The following NPHP1 variants were observed in gnomAD, a reference collection of about 807,000 sequenced individuals.
The protein encoded by NPHP1 is nephrocystin-1.
NPHP1 carries 70 observed loss-of-function variants against 90.4 expected under a neutral mutation model. That is an observed-to-expected ratio of 0.77 (90% CI 0.64 to 0.95). The LOEUF is 0.95. NPHP1 is among the 40% of genes least tolerant of loss of function. The probability of loss-of-function intolerance (pLI) is 0.00; values close to 1 mark genes in which losing one functional copy is unlikely to be tolerated. For synonymous variants in NPHP1, 256 were observed against 271.7 expected (o/e 0.94, Z 0.57); for missense variants, 764 against 795.9 (o/e 0.96, Z 0.48).
At chr2:110,183,144 C>A (rs997685458) in intron 2 of NPHP1, among the ~76,000 whole-genome samples, 1 of 152,158 alleles carries the variant, frequency 6.6e-6, no homozygotes, top group Non-Finnish European at 1.5e-5. Context: ...TGGGAAGAGA[C>A]CCCGAAATCT....
At chr2:110,162,704 T>C (rs1206912437) in intron 9 of NPHP1, among the ~76,000 whole-genome samples, 2 of 151,940 alleles carry the variant, frequency 1.3e-5, no homozygotes, top group African/African-American at 4.8e-5. Context: ...GCTGATCCTT[T>C]AAGGTGGGGA....
intron 17 of NPHP1, among the ~76,000 whole-genome samples, chr2:110,130,631 C>G (rs1281117034): frequency 6.6e-6 from 1 of 152,144 alleles, no homozygotes; most frequent in African/African-American, 2.4e-5. Flanking sequence ...TCCACAAGTG[C>G]TAAGCCTCTC....
chr2:110,156,966 G>A (rs1368037606), intron 11 of NPHP1, among the ~76,000 whole-genome samples: 13 of 151,930 alleles, frequency 8.6e-5, no homozygotes, highest in East Asian at 1.9e-4. Flanking sequence ...TAGTAGAGAC[G>A]CGGTTTCATC....
At chr2:110,165,317 T>C (rs1420016192) in intron 6 of NPHP1, among the ~76,000 whole-genome samples, 162 bp from the exon 7 acceptor site, 18 of 152,088 alleles carry the variant, frequency 1.2e-4, no homozygotes, top group Admixed American at 1.0e-3. Flanking sequence ...ATCTTGAGCA[T>C]AGATGGGAAT....
Position 110,169,928 on chromosome 2 carries a change from C to A in NPHP1, c.400G>T (p.Glu134Ter), listed in dbSNP as rs1227573929. 6.2e-7 allele frequency: 1 copy of A among 1,606,232 alleles called. No individual in the cohort carries two copies. The highest frequency in any genetic ancestry group is 1.1e-5 in the South Asian group (1 of 90,902). The change falls in exon 5 of 20, where the codon GAA (glutamate) becomes TAA (stop). Residue 134 changes from glutamate (E) to a stop codon, truncating the protein, a stop_gained. Transcript: ENST00000445609. LOFTEE classifies it high-confidence loss of function. ...TCTTCCTCTTCCTCCTCTGCATCTT[C>A]TTCCTCCCCACCACTGTCTTCACTA... ...EDSEDSGGEEEDAEEEEEEKE... is the reference protein window; with the variant it reads ...EDSEDSGGEE
intron 4 of NPHP1, among the ~76,000 whole-genome samples, chr2:110,172,671 A>G (rs1227018458): frequency 6.6e-6 from 1 of 152,030 alleles, no homozygotes; most frequent in Non-Finnish European, 1.5e-5. Flanking sequence ...AGTCTCAGCT[A>G]CTCAGGGAGG....
At chr2:110,184,768 A>T (rs1421741018) in intron 2 of NPHP1, 1 of 710,456 alleles carries the variant, frequency 1.4e-6, no homozygotes, top group East Asian at 3.0e-5. Flanking sequence ...CCCAGAAGGA[A>T]GAGACACTAG....
chr2:110,145,712 T>TA (rs1205815049), intron 14 of NPHP1, among the ~76,000 whole-genome samples: 2 of 152,152 alleles, frequency 1.3e-5, no homozygotes, highest in African/African-American at 4.8e-5. Flanking sequence ...CTACCTCATT[T>TA]AAAAAAATAG....
chr2:110,129,277 A>T lies in NPHP1; in HGVS notation c.1643-18T>A. ...AATTAAATCTGAAATGCAAAACAAC[A>T]GAAAGAATTTTATGCAAACTTCACT... On this transcript the variant is annotated intron_variant, in intron 17 of 19. Transcript: ENST00000445609. 6.3e-7 allele frequency: 1 copy of T among 1,598,708 alleles called. No homozygotes were observed. Among genetic ancestry groups the T allele is most frequent in the South Asian group, 1.1e-5 (1 of 90,438 alleles).
At chr2:110,179,910 G>A (rs1005294242) in intron 2 of NPHP1, among the ~76,000 whole-genome samples, 1 of 152,092 alleles carries the variant, frequency 6.6e-6, no homozygotes, top group Non-Finnish European at 1.5e-5. Flanking sequence ...AACCTTCAGT[G>A]TCTCTGGGCA....
intron 9 of NPHP1, among the ~76,000 whole-genome samples, chr2:110,162,291 T>C: frequency 6.6e-6 from 1 of 152,012 alleles, no homozygotes; most frequent in Non-Finnish European, 1.5e-5. Context: ...AAAATAATTA[T>C]TAGGGGACAT....
rs1201887755 is a variant in NPHP1 at position 110,194,644 on chromosome 2, C to A, written c.143+6777G>T. 3.3e-5 allele frequency among the ~76,000 whole-genome samples: 5 copies of A among 152,274 alleles called. No homozygotes were observed. In the South Asian group the frequency reaches 8.3e-4, roughly 25 times the overall value. On this transcript the variant is annotated intron_variant, in intron 2 of 19. Transcript: ENST00000445609. Reference sequence around the variant, plus strand: ...TCAATAGAAAAAGAGGGAATCCTCCCTAACTCATTTTATGATGCCAGCATC... The same window carrying A: ...TCAATAGAAAAAGAGGGAATCCTCCATAACTCATTTTATGATGCCAGCATC...
chr2:110,202,306 C>T, intron 1 of NPHP1: 1 of 313,542 alleles, frequency 3.2e-6, no homozygotes, highest in African/African-American at 2.1e-5. Flanking sequence ...AGAGAAAATT[C>T]CATTAGTTTC....
intron 2 of NPHP1, among the ~76,000 whole-genome samples, chr2:110,191,000 T>C (rs1270587239): frequency 6.6e-6 from 1 of 152,100 alleles, no homozygotes; most frequent in African/African-American, 2.4e-5. Flanking sequence ...AAACAGATGT[T>C]GGCAAAATTG....
At chr2:110,202,387 A>G in intron 1 of NPHP1, 1 of 449,446 alleles carries the variant, frequency 2.2e-6, no homozygotes, top group Non-Finnish European at 4.5e-6. Context: ...TGATAGAGCC[A>G]GTCATCACAG....
At chr2:110,196,825 TA>T in intron 2 of NPHP1, among the ~76,000 whole-genome samples, 1 of 152,068 alleles carries the variant, frequency 6.6e-6, no homozygotes, top group East Asian at 1.9e-4. Flanking sequence ...TATGCAGCCA[TA>T]AAAAATGATG....
intron 4 of NPHP1, chr2:110,178,197 CA>C (rs1683639900): frequency 3.7e-6 from 2 of 534,376 alleles, no homozygotes; most frequent in Non-Finnish European, 6.6e-6. Context: ...TGTTTTGTTT[CA>C]ACTAAATTAT....
chr2:110,166,373 A>C (rs903961093), intron 6 of NPHP1, among the ~76,000 whole-genome samples: 1 of 152,014 alleles, frequency 6.6e-6, no homozygotes, highest in African/African-American at 2.4e-5. Context: ...TGATTTAACA[A>C]TGATCCAGTT....
chr2:110,148,978 C>T (rs1681267975), intron 12 of NPHP1, among the ~76,000 whole-genome samples: 1 of 152,034 alleles, frequency 6.6e-6, no homozygotes. Context: ...TTAACTTTAC[C>T]CTCCTGTGTG....
Sources: allele counts gnomAD v4.1 joint callset (sites outside exome capture counted in the v4.1 genomes callset), GRCh38; gene constraint gnomAD v4.1.1; transcripts MANE v1.5; gene names NCBI Gene and HGNC (gene_info 2026-07-23, HGNC 2026-07-21).